LHFPL3: variants seen among roughly 807,000 people sequenced by gnomAD.
LHFPL3 encodes the protein LHFPL tetraspan subfamily member 3 protein.
LHFPL3 carries 5 observed loss-of-function variants against 19.3 expected under a neutral mutation model. That is an observed-to-expected ratio of 0.26 (90% confidence interval 0.14 to 0.54). The LOEUF (loss-of-function observed/expected upper bound fraction) is 0.54, where lower values mean the gene tolerates loss of function less well. Among genes scored for constraint, LHFPL3 ranks in the 20% least tolerant of loss-of-function variants. The pLI is 0.94. For synonymous variants in LHFPL3, 133 were observed against 126.2 expected (o/e 1.05, Z -0.36); for missense variants, 249 against 307.4 (o/e 0.81, Z 1.42).
chr7:104,437,205 G>A (rs1792125663), intron 1 of LHFPL3, among the ~76,000 whole-genome samples: 1 of 152,112 alleles, frequency 6.6e-6, no homozygotes, highest in Non-Finnish European at 1.5e-5. Flanking sequence ...AGGTACTAGA[G>A]GTAAAACAAT....
At chr7:104,710,087 G>A (rs868778957) in intron 1 of LHFPL3, among the ~76,000 whole-genome samples, 7 of 152,334 alleles carry the variant, frequency 4.6e-5, no homozygotes, top group Non-Finnish European at 1.0e-4. Flanking sequence ...TCGGGAGGCC[G>A]AGGCAGGCAG....
intron 1 of LHFPL3, among the ~76,000 whole-genome samples, chr7:104,561,041 G>A (rs1366684860): frequency 1.3e-5 from 2 of 151,912 alleles, no homozygotes; most frequent in Admixed American, 6.5e-5. Context: ...ACTGTGGTCT[G>A]AGAGATAGTT....
chr7:104,811,072 C>A (rs1344494669), intron 2 of LHFPL3, among the ~76,000 whole-genome samples: 2 of 152,202 alleles, frequency 1.3e-5, no homozygotes, highest in African/African-American at 2.4e-5. Context: ...AGAATAAAAT[C>A]TGGTCAAAGG....
intron 1 of LHFPL3, among the ~76,000 whole-genome samples, chr7:104,718,368 A>G (rs1288153881): frequency 1.3e-5 from 2 of 152,244 alleles, no homozygotes; most frequent in Non-Finnish European, 2.9e-5. Flanking sequence ...GAAAGTGGCT[A>G]GAAATGGATA....
intron 1 of LHFPL3, among the ~76,000 whole-genome samples, chr7:104,377,480 G>C (rs1790737545): frequency 6.6e-6 from 1 of 152,222 alleles, no homozygotes; most frequent in Non-Finnish European, 1.5e-5. Context: ...GCATTTCAAA[G>C]TGAATGCTTG....
intron 1 of LHFPL3, among the ~76,000 whole-genome samples, chr7:104,687,438 A>G (rs67093486): frequency 0.097 from 14,833 of 152,188 alleles, 841 homozygotes; most frequent in Non-Finnish European, 0.12. Context: ...AAAAAGCTCA[A>G]TTTTCAGCCT....
chr7:104,365,797 A>AAAAGAAAAAAAG (rs1554381870), intron 1 of LHFPL3, among the ~76,000 whole-genome samples: 4 of 125,968 alleles, frequency 3.2e-5, no homozygotes, highest in Non-Finnish European at 6.5e-5. Context: ...CAAAAAAAAA[A>AAAAGAAAAAAAG]AAAAAAAAGA....
chr7:104,666,332 A>G (rs1584469261), intron 1 of LHFPL3, among the ~76,000 whole-genome samples: 2 of 151,622 alleles, frequency 1.3e-5, no homozygotes. Context: ...GCCCTCACAC[A>G]TACACTTTTC....
At chr7:104,712,184 T>C (rs1240625391) in intron 1 of LHFPL3, among the ~76,000 whole-genome samples, 10 of 152,178 alleles carry the variant, frequency 6.6e-5, no homozygotes, top group African/African-American at 2.2e-4. Flanking sequence ...AGAGATGATA[T>C]GTGAAAAGGA....
chr7:104,572,784 A>G (rs1161134782), intron 1 of LHFPL3, among the ~76,000 whole-genome samples: 2 of 152,172 alleles, frequency 1.3e-5, no homozygotes, highest in East Asian at 3.9e-4. Flanking sequence ...TCCACATTGA[A>G]TAATACTGAA....
Position 104,838,249 on chromosome 7 carries a change from A to AATCT in LHFPL3, c.683-67933_683-67930dup, listed in dbSNP as rs777818299. On this transcript the variant is annotated intron_variant, in intron 2 of 2. Transcript: ENST00000424859. ...ACACCTGCCCTCTCTAACTAATTCT[A>AATCT]ATCTATCTGGGGAGGGAGGAAATGG... Among the ~76,000 whole-genome samples the AATCT allele has an allele frequency of 9.9e-4, 150 of 152,200 alleles. 1 individual carries two copies. Among genetic ancestry groups the AATCT allele is most frequent in the Middle Eastern group, 6.8e-3 (2 of 294 alleles).
intron 2 of LHFPL3, among the ~76,000 whole-genome samples, chr7:104,822,399 T>C (rs1162309122): frequency 6.6e-6 from 1 of 152,216 alleles, no homozygotes; most frequent in Non-Finnish European, 1.5e-5. Context: ...CTAAATCTGA[T>C]AGTTTTCCTT....
chr7:104,376,296 A>G (rs905721327), intron 1 of LHFPL3, among the ~76,000 whole-genome samples: 8 of 152,212 alleles, frequency 5.3e-5, no homozygotes, highest in Admixed American at 5.2e-4. Flanking sequence ...TGTCCTCACT[A>G]AGTTTACATT....
intron 1 of LHFPL3, among the ~76,000 whole-genome samples, chr7:104,637,090 G>C (rs1351369399): frequency 1.3e-5 from 2 of 152,170 alleles, no homozygotes; most frequent in African/African-American, 4.8e-5. Context: ...ACTGGTGTGA[G>C]ATGGTATCAT....
chr7:104,610,027 A>G (rs1227266325), intron 1 of LHFPL3, among the ~76,000 whole-genome samples: 3 of 152,222 alleles, frequency 2.0e-5, no homozygotes, highest in Non-Finnish European at 4.4e-5. Context: ...CCTTATTCAC[A>G]GAGTTATTGC....
At chr7:104,651,576 A>G (rs1467905979) in intron 1 of LHFPL3, among the ~76,000 whole-genome samples, 2 of 152,262 alleles carry the variant, frequency 1.3e-5, no homozygotes, top group African/African-American at 4.8e-5. Flanking sequence ...TCATGCAGGC[A>G]GGACTAAGTT....
intron 2 of LHFPL3, among the ~76,000 whole-genome samples, chr7:104,888,811 T>G (rs1353385794): frequency 2.6e-5 from 4 of 152,200 alleles, no homozygotes; most frequent in Non-Finnish European, 4.4e-5. Flanking sequence ...GGGATGAGTC[T>G]AAGTTTTCCA....
chr7:104,641,687 G>C (rs1366024042), intron 1 of LHFPL3, among the ~76,000 whole-genome samples: 1 of 152,286 alleles, frequency 6.6e-6, no homozygotes, highest in East Asian at 1.9e-4. Context: ...CTTAAATTGA[G>C]GGGAGGGGGA....
chr7:104,663,350 C>T (rs577456081), intron 1 of LHFPL3, among the ~76,000 whole-genome samples: 5 of 152,218 alleles, frequency 3.3e-5, no homozygotes, highest in Admixed American at 2.6e-4. Context: ...TTTTCCTCAA[C>T]ATCTTTGTGC....
Sources: allele counts gnomAD v4.1 joint callset (sites outside exome capture counted in the v4.1 genomes callset), GRCh38; gene constraint gnomAD v4.1.1; transcripts MANE v1.5; gene names NCBI Gene and HGNC (gene_info 2026-07-23, HGNC 2026-07-21).